TSPAN5: variants seen among roughly 807,000 people sequenced by gnomAD.
TSPAN5 encodes tetraspanin-5.
In TSPAN5, 10 loss-of-function variants were observed where a neutral mutation model predicts 37.1. The ratio of observed to expected loss-of-function variants is 0.27; its 90% CI spans 0.17 to 0.46. The LOEUF (loss-of-function observed/expected upper bound fraction) is 0.46, where lower values mean the gene tolerates loss of function less well. Ranked by LOEUF, TSPAN5 falls within the 20% of genes least tolerant of loss-of-function variation. The pLI is 1.00. For synonymous variants in TSPAN5, 110 were observed against 118.9 expected, an observed-to-expected ratio of 0.93 and a Z score of 0.48; for missense variants, 195 against 326.6, an observed-to-expected ratio of 0.60 and a Z score of 3.11.
intron 1 of TSPAN5, among the ~76,000 whole-genome samples, chr4:98,508,402 G>T (rs1000496540): frequency 6.6e-6 from 1 of 152,114 alleles, no homozygotes; most frequent in Non-Finnish European, 1.5e-5. Flanking sequence ...CTAAGGCAGA[G>T]GCACATCTCA....
chr4:98,579,209 G>A (rs886218220), intron 1 of TSPAN5, among the ~76,000 whole-genome samples: 11 of 152,202 alleles, frequency 7.2e-5, no homozygotes, highest in African/African-American at 1.2e-4. Flanking sequence ...TGGCCGTCAC[G>A]TTCTCAGCTT....
chr4:98,526,194 C>T (rs1753959035), intron 1 of TSPAN5, among the ~76,000 whole-genome samples: 6 of 152,158 alleles, frequency 3.9e-5, no homozygotes. Context: ...TGAAAGGAAC[C>T]TCTGAGGCCC....
chr4:98,471,882 C>G lies in TSPAN5; in HGVS notation c.*640G>C, dbSNP rs371162516. 6.6e-6 allele frequency: 1 copy of G among 152,212 alleles called. No individual in the cohort carries two copies. The highest frequency in any genetic ancestry group is 6.5e-5 in the Admixed American group (1 of 15,278). 9.4% of individuals were successfully genotyped at this position (152,212 alleles called of 1,614,324 possible). A position where few individuals can be genotyped will look rare whatever the true frequency, so the allele number is the denominator to read the frequency against. On this transcript the variant is annotated 3_prime_UTR_variant, in exon 8 of 8. Coordinates refer to ENST00000305798, the MANE Select transcript of TSPAN5 (RefSeq NM_005723.4). ...TCTTCCAATGCCCTTGCTCGGTGCA[C>G]ATGAAATACACAACTTCTCTTATAA...
chr4:98,618,067 C>T lies in TSPAN5; in HGVS notation c.81+40079G>A, dbSNP rs116322911. The stretch of plus-strand genomic sequence containing the variant: ...TGGAGAGAACCCAGGTCATTCTGAC[C>T]CTGTCCGGAAAGGGAAGAACCACTG... On this transcript the variant is annotated intron_variant, in intron 1 of 7. Transcript: ENST00000305798. Among the ~76,000 whole-genome samples the T allele has an allele frequency of 8.6e-3, 1,317 of 152,268 alleles. 23 individuals carry two copies. Among genetic ancestry groups the T allele is most frequent in the African/African-American group, 0.03 (1,256 of 41,538 alleles).
chr4:98,476,774 G>T (rs1303845925), intron 5 of TSPAN5, among the ~76,000 whole-genome samples: 1 of 152,180 alleles, frequency 6.6e-6, no homozygotes, highest in Non-Finnish European at 1.5e-5. Flanking sequence ...AAGCTTATGG[G>T]ATTTAGGGAA....
chr4:98,575,812 C>T (rs1391616286), intron 1 of TSPAN5, among the ~76,000 whole-genome samples: 2 of 150,826 alleles, frequency 1.3e-5, no homozygotes, highest in Non-Finnish European at 2.9e-5. Context: ...TGGCTCACAC[C>T]TGTAATCCCA....
intron 1 of TSPAN5, among the ~76,000 whole-genome samples, chr4:98,590,411 A>C (rs1755596186): frequency 1.3e-5 from 2 of 152,102 alleles, no homozygotes; most frequent in Non-Finnish European, 2.9e-5. Flanking sequence ...GAGGACACTA[A>C]GGCTCAAGAG....
intron 1 of TSPAN5, among the ~76,000 whole-genome samples, chr4:98,637,938 GA>G (rs976824180): frequency 2.0e-5 from 3 of 152,136 alleles, no homozygotes; most frequent in Non-Finnish European, 4.4e-5. Context: ...GAAAAAGAAA[GA>G]AAGAAATTAT....
chr4:98,475,992 A>G (rs187988161), intron 7 of TSPAN5, among the ~76,000 whole-genome samples, 197 bp downstream of exon 7: 378 of 152,230 alleles, frequency 2.5e-3, no homozygotes, highest in African/African-American at 7.5e-3. Flanking sequence ...TCCATCTCAA[A>G]AAAAAATTAA....
At chr4:98,582,997 G>A (rs1390009141) in intron 1 of TSPAN5, among the ~76,000 whole-genome samples, 2 of 152,158 alleles carry the variant, frequency 1.3e-5, no homozygotes, top group African/African-American at 2.4e-5. Context: ...AGGGAGGGAA[G>A]GCAGATATAC....
Position 98,482,118 on chromosome 4 carries a change from A to C in TSPAN5, c.337T>G (p.Phe113Val). 1 of 1,614,224 alleles carries C rather than the reference A, an allele frequency of 6.2e-7. No individual in the cohort carries two copies. The highest frequency in any genetic ancestry group is 8.5e-7 in the Non-Finnish European group (1 of 1,180,018). ...TCTTTGATCCAGTCTTTGAAAACAAATGCTAGAACTCCGGCAGTGAGCTCC... is the reference window on the plus strand; with the variant it reads ...TCTTTGATCCAGTCTTTGAAAACAACTGCTAGAACTCCGGCAGTGAGCTCC... ...FLELTAGVLA[F>V]VFKDWIKDQL... The change falls in exon 4 of 8, where the codon TTT becomes GTT. Residue 113 changes from phenylalanine to valine, a missense_variant. Coordinates refer to ENST00000305798, the MANE Select transcript of TSPAN5 (RefSeq NM_005723.4).
intron 2 of TSPAN5, among the ~76,000 whole-genome samples, chr4:98,488,580 C>T (rs1204340404): frequency 6.6e-6 from 1 of 152,114 alleles, no homozygotes; most frequent in Admixed American, 6.6e-5. Context: ...GCAACCACAC[C>T]CTTCACAAGT....
At chr4:98,615,274 C>T (rs1160940714) in intron 1 of TSPAN5, among the ~76,000 whole-genome samples, 1 of 152,206 alleles carries the variant, frequency 6.6e-6, no homozygotes, top group Non-Finnish European at 1.5e-5. Flanking sequence ...GACAGGCTGC[C>T]CCTGTTCAAA....
rs1752595491 is a variant in TSPAN5, at chr4:98,471,989, T to C, written c.*533A>G. ...CACAAAATCTGAACCCAAAGATGAG[T>C]TGTTTTCTTCTTCAGATGAGAGTTG... On this transcript the variant is annotated 3_prime_UTR_variant, in exon 8 of 8. Transcript: ENST00000305798. 6.6e-6 allele frequency: 1 copy of C among 152,026 alleles called. No individual in the cohort carries two copies. Among genetic ancestry groups the C allele is most frequent in the Non-Finnish European group, 1.5e-5 (1 of 68,066 alleles). The allele number at this position is 152,026 out of a possible 1,614,324, so 9.4% of individuals were successfully genotyped here.
At position 98,658,305 on chromosome 4, in the gene TSPAN5, G is replaced by A. The variant is rs1031636484; in HGVS notation, c.-79C>T. 2.4e-6 allele frequency: 3 copies of A among 1,232,528 alleles called. No homozygotes were observed. The highest frequency in any genetic ancestry group is 1.5e-5 in the African/African-American group (1 of 67,368). 76.3% of individuals were successfully genotyped at this position (1,232,528 alleles called of 1,614,324 possible). ...GCACCGTTGCTCGGAGCAGCCCGGCGGGGAGCAGGAGCTCAGGGACACCGC... is the reference window on the plus strand; with the variant it reads ...GCACCGTTGCTCGGAGCAGCCCGGCAGGGAGCAGGAGCTCAGGGACACCGC... On this transcript the variant is annotated 5_prime_UTR_variant, in exon 1 of 8. Coordinates refer to ENST00000305798, the MANE Select transcript of TSPAN5 (RefSeq NM_005723.4).
At chr4:98,597,686 A>G (rs376434365) in intron 1 of TSPAN5, among the ~76,000 whole-genome samples, 19 of 24,480 alleles carry the variant, frequency 7.8e-4, no homozygotes, top group Admixed American at 2.1e-3. Context: ...GTCTGTTGGA[A>G]TACCCTGCCG....
chr4:98,559,313 G>A (rs905374115), intron 1 of TSPAN5, among the ~76,000 whole-genome samples: 9 of 152,098 alleles, frequency 5.9e-5, no homozygotes, highest in South Asian at 2.1e-4. Flanking sequence ...AAACATGACC[G>A]GATATTCAAC....
chr4:98,473,302 G>A (rs1752625755), intron 7 of TSPAN5, among the ~76,000 whole-genome samples: 1 of 152,158 alleles, frequency 6.6e-6, no homozygotes. Flanking sequence ...AGCAACATAT[G>A]AGGGTTTCGT....
intron 1 of TSPAN5, among the ~76,000 whole-genome samples, chr4:98,551,011 G>C (rs1754602415): frequency 6.6e-6 from 1 of 152,038 alleles, no homozygotes; most frequent in Non-Finnish European, 1.5e-5. Flanking sequence ...GTTGGCTGTA[G>C]GTTTGTCATA....
Sources: allele counts gnomAD v4.1 joint callset (sites outside exome capture counted in the v4.1 genomes callset), GRCh38; gene constraint gnomAD v4.1.1; transcripts MANE v1.5; gene names NCBI Gene and HGNC (gene_info 2026-07-23, HGNC 2026-07-21).